Variants in PAM observed in about 807,000 individuals in gnomAD.
PAM encodes the protein peptidyl-glycine alpha-amidating monooxygenase.
PAM carries 72 observed loss-of-function variants against 122.1 expected under a neutral mutation model. The ratio of observed to expected loss-of-function variants is 0.59; its 90% CI spans 0.49 to 0.72. The LOEUF is 0.72. Among genes scored for constraint, PAM ranks in the 30% least tolerant of loss-of-function variants. The pLI, the probability that PAM is intolerant of heterozygous loss-of-function variation, is 0.00. For synonymous variants in PAM, 389 were observed against 404.4 expected (o/e 0.96, Z 0.46); for missense variants, 1,106 against 1,183.7 (o/e 0.93, Z 0.96).
chr5:102,815,774 T>C (rs1769580680), intron 1 of PAM, among the ~76,000 whole-genome samples: 1 of 152,210 alleles, frequency 6.6e-6, no homozygotes, highest in Non-Finnish European at 1.5e-5. Context: ...GTTGAAAGAC[T>C]GGTGGTGCAG....
chr5:102,959,649 T>C (rs758024386), intron 12 of PAM, among the ~76,000 whole-genome samples: 6 of 152,114 alleles, frequency 3.9e-5, no homozygotes, highest in Non-Finnish European at 1.5e-5. Flanking sequence ...GTAGTGTTCA[T>C]GGTGTGCCTG....
intron 16 of PAM, among the ~76,000 whole-genome samples, chr5:102,993,465 C>T (rs1316694312): frequency 6.6e-6 from 1 of 152,114 alleles, no homozygotes; most frequent in Admixed American, 6.6e-5. Flanking sequence ...CTTAACTTAA[C>T]TATGGGTCTT....
intron 1 of PAM, among the ~76,000 whole-genome samples, chr5:102,845,753 G>A (rs1245114478): frequency 6.6e-6 from 1 of 152,102 alleles, no homozygotes; most frequent in Admixed American, 6.6e-5. Context: ...AATTATTAGT[G>A]CTTTTATCAG....
At chr5:102,779,853 C>G (rs1453383871) in intron 1 of PAM, among the ~76,000 whole-genome samples, 1 of 137,416 alleles carries the variant, frequency 7.3e-6, no homozygotes, top group African/African-American at 2.7e-5. Context: ...ACCTTGTGAT[C>G]ATGTAAGTTA....
At chr5:102,889,414 C>A (rs1208006912) in intron 3 of PAM, among the ~76,000 whole-genome samples, 3 of 151,894 alleles carry the variant, frequency 2.0e-5, no homozygotes, top group Non-Finnish European at 4.4e-5. Context: ...AACTCTTCCT[C>A]TTCTTGGCTC....
chr5:103,019,829 T>A lies in PAM; in HGVS notation c.2471T>A (p.Val824Asp). 6.2e-7 allele frequency: 1 copy of A among 1,605,516 alleles called. No individual in the cohort carries two copies. Among genetic ancestry groups the A allele is most frequent in the Admixed American group, 1.7e-5 (1 of 59,938 alleles). The change falls in exon 23 of 26, where the codon GTC becomes GAC. Residue 824 changes from valine to aspartate, a missense_variant. Val to Asp is a radical substitution (Grantham distance 152). Transcript: ENST00000438793. ...HRSVKKAGIE[V>D]QEIKEAEAVV... is the part of the protein sequence containing the mutation. Reference sequence around the variant, plus strand: ...TCAGTTAAAAAGGCTGGCATTGAGGTCCAGGAAATCAAAGGTTGGTCAGAT... The same window carrying A: ...TCAGTTAAAAAGGCTGGCATTGAGGACCAGGAAATCAAAGGTTGGTCAGAT...
At position 102,867,327 on chromosome 5, in the gene PAM, C is replaced by G. The variant is rs371258308; in HGVS notation, c.144C>G (p.Pro48=). ...ATGAATGTCTTGGTACCACCAGACC[C>G]GTAGTTCCTATTGATTCATCAGATT... ...FSNECLGTTR[P]VVPIDSSDFA... The change falls in exon 3 of 26, where the codon CCC becomes CCG. Residue 48 remains proline (P), a synonymous_variant. Transcript: ENST00000438793. The G allele has an allele frequency of 1.3e-5, 21 of 1,600,224 alleles. No individual in the cohort carries two copies. Among genetic ancestry groups the G allele is most frequent in the Non-Finnish European group, 1.7e-5 (20 of 1,167,658 alleles).
At chr5:102,837,706 T>C (rs1777486257) in intron 1 of PAM, 1 of 152,202 alleles carries the variant, frequency 6.6e-6, no homozygotes, top group Non-Finnish European at 1.5e-5. Context: ...TGCTGAACCA[T>C]ACTTAGAATT....
At chr5:102,928,988 C>A (rs566466891) in intron 7 of PAM, among the ~76,000 whole-genome samples, 6 of 151,956 alleles carry the variant, frequency 3.9e-5, no homozygotes, top group Admixed American at 2.6e-4. Context: ...ACAATAAGAT[C>A]AAATACAGAC....
rs148657773 is a variant in PAM at position 103,025,922 on chromosome 5, T to C, written c.2689+588T>C. On this transcript the variant is annotated intron_variant, in intron 24 of 25. Transcript: ENST00000438793. ...AAGTACTCAATACCACCAATGGTTA[T>C]GATGAATAATCATTGGTAATAAAGT... Among the ~76,000 whole-genome samples the C allele has an allele frequency of 4.0e-4, 61 of 152,340 alleles. 1 individual carries two copies. The East Asian group carries it at 0.01, about 26-fold the overall frequency.
chr5:102,822,915 C>T (rs1488768186), intron 1 of PAM, among the ~76,000 whole-genome samples: 1 of 152,142 alleles, frequency 6.6e-6, no homozygotes, highest in African/African-American at 2.4e-5. Flanking sequence ...GATTCCTCCC[C>T]ACTCATCCCA....
Position 102,895,909 on chromosome 5 carries a change from G to A in PAM, c.211-5447G>A, listed in dbSNP as rs145102999. ...CAGGTTCAGAAGATTGACTGATTCC[G>A]TATTCAGGGGAACTTGATGAAAAGC... On this transcript the variant is annotated intron_variant, in intron 3 of 25. Transcript: ENST00000438793. 342 of 151,804 alleles carry A rather than the reference G, an allele frequency of 2.3e-3. 1 individual carries two copies. Among genetic ancestry groups the A allele is most frequent in the Middle Eastern group, 6.8e-3 (2 of 294 alleles). The allele number at this position is 151,804 out of a possible 1,614,324, so 9.4% of individuals were successfully genotyped here.
chr5:102,918,143 A>G (rs1239339053), intron 5 of PAM, among the ~76,000 whole-genome samples: 1 of 152,186 alleles, frequency 6.6e-6, no homozygotes, highest in Non-Finnish European at 1.5e-5. Flanking sequence ...GCTGATGGAA[A>G]AGAAGCAGCT....
intron 1 of PAM, among the ~76,000 whole-genome samples, chr5:102,781,036 T>A (rs1409670915): frequency 6.6e-6 from 1 of 151,802 alleles, no homozygotes; most frequent in Admixed American, 6.6e-5. Flanking sequence ...TCCTGGAGGG[T>A]AAAGTTGCCC....
intron 5 of PAM, 116 bp from the exon 6 acceptor site, chr5:102,924,841 G>T: frequency 1.5e-6 from 1 of 649,258 alleles, no homozygotes. Flanking sequence ...ATGCAATGAT[G>T]ATATATTGAT....
chr5:102,857,059 G>C (rs1396479674), intron 1 of PAM, among the ~76,000 whole-genome samples: 1 of 152,142 alleles, frequency 6.6e-6, no homozygotes, highest in Admixed American at 6.5e-5. Context: ...GTCCCTCAGT[G>C]ATCACAACAC....
At chr5:102,843,200 A>T (rs1024591063) in intron 1 of PAM, among the ~76,000 whole-genome samples, 2 of 152,230 alleles carry the variant, frequency 1.3e-5, no homozygotes, top group African/African-American at 4.8e-5. Context: ...TGTTACTGGA[A>T]TTGTGGTTTC....
chr5:103,019,295 T>C (rs941966621), intron 22 of PAM, among the ~76,000 whole-genome samples: 4 of 152,190 alleles, frequency 2.6e-5, no homozygotes, highest in African/African-American at 7.2e-5. Flanking sequence ...AGCTTCAAAA[T>C]AGAGAAGCCC....
At chr5:102,903,693 AAGTC>A (rs1357435550) in intron 4 of PAM, among the ~76,000 whole-genome samples, 1 of 151,550 alleles carries the variant, frequency 6.6e-6, no homozygotes, top group Non-Finnish European at 1.5e-5. Context: ...AGGAAACAGA[AAGTC>A]AGAGAGGTTA....
Sources: allele counts gnomAD v4.1 joint callset (sites outside exome capture counted in the v4.1 genomes callset), GRCh38; gene constraint gnomAD v4.1.1; transcripts MANE v1.5; gene names NCBI Gene and HGNC (gene_info 2026-07-23, HGNC 2026-07-21).